GHR: variants seen among roughly 807,000 people sequenced by gnomAD.
GHR encodes growth hormone receptor.
GHR carries 35 observed loss-of-function variants against 67.1 expected under a neutral mutation model. The ratio of observed to expected loss-of-function variants is 0.52; its 90% CI spans 0.40 to 0.69. The LOEUF (loss-of-function observed/expected upper bound fraction) is 0.69. Among genes scored for constraint, GHR ranks in the 30% least tolerant of loss-of-function variants. GHR has a pLI of 0.00. For synonymous variants in GHR, 272 were observed against 269.1 expected (o/e 1.01, Z -0.10); for missense variants, 792 against 764.6 (o/e 1.04, Z -0.42).
intron 3 of GHR, among the ~76,000 whole-genome samples, chr5:42,639,966 G>T (rs988095974): frequency 3.3e-5 from 5 of 152,136 alleles, no homozygotes; most frequent in African/African-American, 1.2e-4. Context: ...TGGAGGGAGA[G>T]GTGTTAGCAT....
chr5:42,549,909 C>A (rs1748928401), intron 1 of GHR, among the ~76,000 whole-genome samples: 1 of 152,182 alleles, frequency 6.6e-6, no homozygotes, highest in Non-Finnish European at 1.5e-5. Flanking sequence ...GAGTAAATTT[C>A]TTTCTTTAAT....
chr5:42,599,242 T>C (rs925059647), intron 2 of GHR, among the ~76,000 whole-genome samples: 7 of 152,192 alleles, frequency 4.6e-5, no homozygotes, highest in Non-Finnish European at 8.8e-5. Context: ...CCAAATGTCC[T>C]TCTGGAATTG....
At chr5:42,673,355 T>G (rs896023758) in intron 3 of GHR, among the ~76,000 whole-genome samples, 5 of 152,144 alleles carry the variant, frequency 3.3e-5, no homozygotes, top group African/African-American at 1.2e-4. Context: ...GTTTGGAGAT[T>G]TCTCAAAGAA....
intron 8 of GHR, 45 bp downstream of exon 8, chr5:42,713,564 A>G: frequency 1.2e-6 from 1 of 841,520 alleles, no homozygotes; most frequent in South Asian, 1.3e-5. Flanking sequence ...CCAGTTGTTT[A>G]GATTTCCATA....
chr5:42,713,392 C>G (rs772456297), intron 7 of GHR, 37 bp from the exon 8 acceptor site: 1 of 913,110 alleles, frequency 1.1e-6, no homozygotes, highest in Admixed American at 1.7e-5. Context: ...TTCAACTATT[C>G]GTAATTCTGA....
At chr5:42,556,872 C>T (rs1346508854) in intron 1 of GHR, among the ~76,000 whole-genome samples, 1 of 152,140 alleles carries the variant, frequency 6.6e-6, no homozygotes, top group Non-Finnish European at 1.5e-5. Context: ...CGGAGTATGG[C>T]CAAGCATTTG....
At position 42,437,529 on chromosome 5, in the gene GHR, A is replaced by ATATTTATTTATT. The variant is rs375521431; in HGVS notation, c.-12+13600_-12+13611dup. On this transcript the variant is annotated intron_variant, in intron 1 of 9. Coordinates refer to ENST00000230882, the MANE Select transcript of GHR (RefSeq NM_000163.5). ...AACAGCCTCTCTTCTTATTATTTTT[A>ATATTTATTTATT]TATTTATTTATTTATTTATTTATTT... 1.0e-3 allele frequency among the ~76,000 whole-genome samples: 150 copies of ATATTTATTTATT among 148,018 alleles called. 3 individuals carry two copies. The highest frequency in any genetic ancestry group is 3.6e-3 in the African/African-American group (144 of 40,024).
At chr5:42,488,657 T>A (rs1202497404) in intron 1 of GHR, among the ~76,000 whole-genome samples, 1 of 152,166 alleles carries the variant, frequency 6.6e-6, no homozygotes, top group Non-Finnish European at 1.5e-5. Context: ...GTAATAGGGA[T>A]TATTTTGTCT....
In GHR at chr5:42,643,802, C is replaced by A. The variant is rs369920532; in HGVS notation, c.136+14699C>A. Among the ~76,000 whole-genome samples the A allele has an allele frequency of 4.7e-3, 705 of 151,590 alleles. 6 individuals carry two copies. Among genetic ancestry groups the A allele is most frequent in the African/African-American group, 0.016 (676 of 41,286 alleles). On this transcript the variant is annotated intron_variant, in intron 3 of 9. Transcript: ENST00000230882. ...TCATTTCTATTCCCACAATTCTGGT[C>A]CTACAAAATTGATATCAGTATATGA... is the stretch of plus-strand genomic sequence containing the variant.
At chr5:42,604,627 AC>A (rs1752532757) in intron 2 of GHR, among the ~76,000 whole-genome samples, 2 of 151,958 alleles carry the variant, frequency 1.3e-5, no homozygotes, top group South Asian at 4.2e-4. Flanking sequence ...TGTCTAAAGC[AC>A]CCCAGCATTA....
At chr5:42,427,953 G>A (rs1361884006) in intron 1 of GHR, among the ~76,000 whole-genome samples, 1 of 152,196 alleles carries the variant, frequency 6.6e-6, no homozygotes, top group Non-Finnish European at 1.5e-5. Context: ...GCTTTTCCAG[G>A]CACATGGTGC....
At position 42,629,968 on chromosome 5, in the gene GHR, C is replaced by T. The variant is rs1018828904; in HGVS notation, c.136+865C>T. 6.1e-5 allele frequency among the ~76,000 whole-genome samples: 8 copies of T among 131,712 alleles called. 3 individuals are homozygous for T. Among genetic ancestry groups the T allele is most frequent in the African/African-American group, 1.6e-4 (5 of 31,162 alleles). The allele number at this position is 131,712 out of a possible 152,430, so 86.4% of individuals were successfully genotyped here. ...CCTTAAAATGACTTTACACATTCCC[C>T]GCTGGTCCTTTGACAATCTCCTCTT... On this transcript the variant is annotated intron_variant, in intron 3 of 9. Transcript: ENST00000230882.
intron 1 of GHR, among the ~76,000 whole-genome samples, chr5:42,473,916 G>C (rs911387727): frequency 6.6e-6 from 1 of 150,930 alleles, no homozygotes; most frequent in African/African-American, 2.4e-5. Flanking sequence ...AGCCAGGCGT[G>C]GTGGTTCATG....
chr5:42,426,140 G>A (rs551055731), intron 1 of GHR, among the ~76,000 whole-genome samples: 1 of 152,124 alleles, frequency 6.6e-6, no homozygotes, highest in Middle Eastern at 3.2e-3. Flanking sequence ...TACAGTGCTT[G>A]GTAACCTATG....
intron 1 of GHR, among the ~76,000 whole-genome samples, chr5:42,521,293 T>G (rs1747464038): frequency 6.6e-6 from 1 of 152,088 alleles, no homozygotes; most frequent in South Asian, 2.1e-4. Flanking sequence ...GTGTGAAAAT[T>G]TTCCCCTCAT....
At chr5:42,608,406 T>C (rs1396718938) in intron 2 of GHR, among the ~76,000 whole-genome samples, 1 of 152,120 alleles carries the variant, frequency 6.6e-6, no homozygotes, top group Non-Finnish European at 1.5e-5. Flanking sequence ...TGCCATGAAA[T>C]TTATTTAGTA....
chr5:42,685,611 T>C (rs1395650068), intron 3 of GHR, among the ~76,000 whole-genome samples: 1 of 152,200 alleles, frequency 6.6e-6, no homozygotes, highest in Non-Finnish European at 1.5e-5. Flanking sequence ...ATCTGTTTTT[T>C]CCTGACTTTT....
chr5:42,531,993 T>G (rs1165034131), intron 1 of GHR, among the ~76,000 whole-genome samples: 3 of 152,098 alleles, frequency 2.0e-5, no homozygotes, highest in African/African-American at 7.2e-5. Flanking sequence ...TTTTTTTTTT[T>G]TTGGCATTAA....
At chr5:42,673,263 G>T (rs61427672) in intron 3 of GHR, among the ~76,000 whole-genome samples, 2,625 of 152,144 alleles carry the variant, frequency 0.017, 70 homozygotes, top group African/African-American at 0.059. Flanking sequence ...AACAACAGAC[G>T]CTGGCAAGGC....
Sources: gnomAD v4.1 joint callset for allele counts (sites outside exome capture counted in the v4.1 genomes callset) on GRCh38, gnomAD v4.1.1 for gene constraint, MANE v1.5 for transcripts, NCBI Gene and HGNC (gene_info 2026-07-23, HGNC 2026-07-21) for gene names.